MAPRE2: variants seen among roughly 807,000 people sequenced by gnomAD.
MAPRE2 encodes microtubule-associated protein RP/EB family member 2.
MAPRE2 carries 13 observed loss-of-function variants against 43.2 expected under a neutral mutation model. The ratio of observed to expected loss-of-function variants is 0.30; its 90% CI spans 0.20 to 0.48. The LOEUF (loss-of-function observed/expected upper bound fraction) is 0.48, where lower values mean the gene tolerates loss of function less well. Ranked by LOEUF, MAPRE2 falls within the 20% of genes least tolerant of loss-of-function variation. MAPRE2 has a pLI of 0.99. For missense variants in MAPRE2, 161 were observed against 400.2 expected (o/e 0.40, Z 5.10); for synonymous variants, 135 against 148.8 (o/e 0.91, Z 0.68).
chr18:35,123,333 A>G (rs936399956), intron 4 of MAPRE2, among the ~76,000 whole-genome samples: 2 of 152,214 alleles, frequency 1.3e-5, no homozygotes, highest in African/African-American at 4.8e-5. Flanking sequence ...ATAAGGCCAG[A>G]TACCAGAACA....
chr18:35,020,500 C>T (rs1461983193), intron 2 of MAPRE2, among the ~76,000 whole-genome samples: 10 of 151,710 alleles, frequency 6.6e-5, no homozygotes, highest in Non-Finnish European at 2.9e-5. Context: ...GAACCATTTG[C>T]ACCCTCTTTT....
chr18:35,103,218 T>C (rs1235833516), intron 4 of MAPRE2, among the ~76,000 whole-genome samples: 1 of 152,196 alleles, frequency 6.6e-6, no homozygotes, highest in African/African-American at 2.4e-5. Flanking sequence ...CTCACTAGTA[T>C]GAATTAGATG....
At chr18:35,091,234 GACAGTTC>G (rs1314508420) in intron 2 of MAPRE2, among the ~76,000 whole-genome samples, 2 of 152,198 alleles carry the variant, frequency 1.3e-5, no homozygotes, top group Non-Finnish European at 2.9e-5. Flanking sequence ...AATCTCATGT[GACAGTTC>G]ACAGGCAAAA....
intron 2 of MAPRE2, among the ~76,000 whole-genome samples, chr18:35,013,191 T>C (rs757887028): frequency 7.3e-5 from 11 of 151,692 alleles, no homozygotes; most frequent in Non-Finnish European, 1.5e-4. Context: ...AAGGGAGAAA[T>C]TGAGAAGTGG....
chr18:35,018,854 T>C (rs1429994708), intron 2 of MAPRE2, among the ~76,000 whole-genome samples: 1 of 151,948 alleles, frequency 6.6e-6, no homozygotes. Flanking sequence ...ATTTATATTC[T>C]CCTGCTAGCT....
intron 1 of MAPRE2, among the ~76,000 whole-genome samples, chr18:34,986,950 A>G (rs2097021301): frequency 6.6e-6 from 1 of 152,186 alleles, no homozygotes; most frequent in Non-Finnish European, 1.5e-5. Context: ...CAAAATGACT[A>G]GCTTTCCTGG....
At chr18:35,048,961 G>A (rs191480510) in intron 1 of MAPRE2, among the ~76,000 whole-genome samples, 15 of 152,156 alleles carry the variant, frequency 9.9e-5, no homozygotes, top group South Asian at 2.1e-4. Context: ...TTGTTGTTGC[G>A]TATGACTAAA....
chr18:35,074,782 C>T (rs967287551), intron 2 of MAPRE2, among the ~76,000 whole-genome samples: 3 of 152,032 alleles, frequency 2.0e-5, no homozygotes, highest in Admixed American at 6.6e-5. Context: ...CTCCACTAGC[C>T]GAGCAGACAC....
At chr18:35,003,278 A>G (rs943455376) in intron 1 of MAPRE2, among the ~76,000 whole-genome samples, 1 of 152,194 alleles carries the variant, frequency 6.6e-6, no homozygotes, top group African/African-American at 2.4e-5. Context: ...GGTATTTCGA[A>G]TCTATGTCAA....
intron 1 of MAPRE2, among the ~76,000 whole-genome samples, chr18:35,044,510 G>A (rs529205918): frequency 2.6e-5 from 4 of 152,306 alleles, no homozygotes; most frequent in East Asian, 3.9e-4. Flanking sequence ...GATTACAGGC[G>A]TGCCCCACTG....
intron 1 of MAPRE2, among the ~76,000 whole-genome samples, chr18:34,987,848 G>C (rs2097021805): frequency 6.6e-6 from 1 of 152,040 alleles, no homozygotes. Context: ...TCACCATGTT[G>C]CCCAGGCTGG....
intron 1 of MAPRE2, among the ~76,000 whole-genome samples, chr18:35,057,037 A>G (rs1272138725): frequency 6.6e-6 from 1 of 152,142 alleles, no homozygotes; most frequent in Non-Finnish European, 1.5e-5. Flanking sequence ...GTTTTGAAAC[A>G]GAGTTTCACT....
chr18:35,129,236 A>G (rs1275742371), intron 5 of MAPRE2, among the ~76,000 whole-genome samples: 1 of 152,136 alleles, frequency 6.6e-6, no homozygotes, highest in Non-Finnish European at 1.5e-5. Flanking sequence ...CCAAATTTAT[A>G]TCCGTGGTTC....
chr18:34,984,901 TTA>T lies in MAPRE2; in HGVS notation c.-70+7824_-70+7825del, dbSNP rs369184094. Among the ~76,000 whole-genome samples the T allele has an allele frequency of 3.3e-4, 9 of 26,906 alleles. 2 individuals are homozygous for T. In the East Asian group the frequency reaches 4.4e-3, roughly 13 times the overall value. The allele number at this position is 26,906 out of a possible 152,430, so 17.7% of individuals were successfully genotyped here. A position where few individuals can be genotyped will look rare whatever the true frequency, so the allele number is the denominator to read the frequency against. ...TATGTTATATAATATATAATATATT[TTA>T]TGTTATATAATATATAATATATTTT... On this transcript the variant is annotated intron_variant, in intron 1 of 7. Transcript: ENST00000413393.
At chr18:34,988,240 T>C (rs35141632) in intron 1 of MAPRE2, among the ~76,000 whole-genome samples, 27,196 of 152,158 alleles carry the variant, frequency 0.18, 2,596 homozygotes, top group East Asian at 0.24. Flanking sequence ...TTTTTAAAAG[T>C]AACAAAAAGA....
chr18:35,009,642 A>G (rs1487247075), intron 2 of MAPRE2, among the ~76,000 whole-genome samples: 2 of 152,198 alleles, frequency 1.3e-5, no homozygotes, highest in African/African-American at 2.4e-5. Context: ...GCCTGCATTG[A>G]CAGTCCCCTA....
chr18:35,039,954 G>A (rs969797950), upstream of MAPRE2, among the ~76,000 whole-genome samples: 2 of 152,208 alleles, frequency 1.3e-5, no homozygotes, highest in African/African-American at 4.8e-5. Context: ...GCTCATGCCT[G>A]TAATCCTAGC....
upstream of MAPRE2, chr18:35,041,263 C>T: frequency 7.6e-7 from 1 of 1,309,632 alleles, no homozygotes; most frequent in Non-Finnish European, 9.9e-7. Flanking sequence ...GTGGTCACGC[C>T]GCGACCCTGT....
chr18:35,055,755 A>T (rs998309466), intron 1 of MAPRE2, among the ~76,000 whole-genome samples: 2 of 152,104 alleles, frequency 1.3e-5, no homozygotes, highest in Non-Finnish European at 2.9e-5. Context: ...GTTCAAGACC[A>T]GCCAGCCTGG....
Sources: gnomAD v4.1 joint callset for allele counts (sites outside exome capture counted in the v4.1 genomes callset) on GRCh38, gnomAD v4.1.1 for gene constraint, MANE v1.5 for transcripts, NCBI Gene and HGNC (gene_info 2026-07-23, HGNC 2026-07-21) for gene names.